CPED1: variants seen among roughly 807,000 people sequenced by gnomAD.
CPED1 encodes the protein cadherin-like and PC-esterase domain-containing protein 1.
Under a neutral mutation model 128.2 loss-of-function variants are expected in CPED1, and 114 were observed. The observed-to-expected ratio is 0.89, with a 90% CI of 0.76 to 1.04. CPED1 has a LOEUF of 1.04. CPED1 is among the 50% of genes least tolerant of loss of function. The probability of loss-of-function intolerance (pLI) is 0.00; values close to 1 mark genes in which losing one functional copy is unlikely to be tolerated. For missense variants in CPED1, 1,211 were observed against 1,207.1 expected (o/e 1.00, Z -0.05); for synonymous variants, 462 against 426.7 (o/e 1.08, Z -1.02).
chr7:121,085,778 T>G (rs566436204), intron 5 of CPED1, among the ~76,000 whole-genome samples: 3 of 152,214 alleles, frequency 2.0e-5, no homozygotes, highest in Non-Finnish European at 4.4e-5. Context: ...TCATCTCTCA[T>G]TGACGATAGG....
chr7:121,144,983 T>C (rs1337270020), intron 16 of CPED1, among the ~76,000 whole-genome samples: 1 of 151,942 alleles, frequency 6.6e-6, no homozygotes, highest in Non-Finnish European at 1.5e-5. Context: ...CATGAGGGAA[T>C]TTTTTGGGCA....
chr7:121,082,492 A>G (rs929687297), intron 5 of CPED1, among the ~76,000 whole-genome samples: 1 of 152,180 alleles, frequency 6.6e-6, no homozygotes, highest in African/African-American at 2.4e-5. Flanking sequence ...TGTTTTCTAG[A>G]TAATTATGGT....
At chr7:121,252,352 A>G (rs1798693190) in intron 18 of CPED1, among the ~76,000 whole-genome samples, 5 of 152,220 alleles carry the variant, frequency 3.3e-5, no homozygotes, top group Admixed American at 6.5e-5. Flanking sequence ...ACCTAAAACC[A>G]CAGAAGAAAC....
At chr7:121,211,115 T>C (rs1388859915) in intron 16 of CPED1, among the ~76,000 whole-genome samples, 1 of 152,104 alleles carries the variant, frequency 6.6e-6, no homozygotes, top group African/African-American at 2.4e-5. Flanking sequence ...GTCATTCTTA[T>C]TTCCATAAAC....
chr7:121,170,731 A>T (rs1269709754), intron 16 of CPED1, among the ~76,000 whole-genome samples: 2 of 152,212 alleles, frequency 1.3e-5, no homozygotes, highest in African/African-American at 2.4e-5. Flanking sequence ...AAGTTTAATA[A>T]GAAATGAGTT....
intron 18 of CPED1, among the ~76,000 whole-genome samples, chr7:121,250,389 C>T (rs1306249441): frequency 6.6e-6 from 1 of 151,532 alleles, no homozygotes; most frequent in Non-Finnish European, 1.5e-5. Context: ...AAAATTGACA[C>T]CCTAACATCA....
intron 2 of CPED1, among the ~76,000 whole-genome samples, chr7:120,991,085 T>C (rs1274438293): frequency 6.6e-6 from 1 of 152,182 alleles, no homozygotes; most frequent in Non-Finnish European, 1.5e-5. Flanking sequence ...CAAATAAAAG[T>C]CAATTCAAAG....
At chr7:121,095,481 G>T (rs1175342825) in intron 5 of CPED1, among the ~76,000 whole-genome samples, 2 of 151,026 alleles carry the variant, frequency 1.3e-5, no homozygotes, top group Admixed American at 6.6e-5. Context: ...TAATTACAGA[G>T]GTTTTTTTTT....
chr7:121,008,748 C>A lies in CPED1; in HGVS notation c.250-6917C>A, dbSNP rs572623523. Among the ~76,000 whole-genome samples the A allele has an allele frequency of 3.3e-5, 5 of 152,264 alleles. No individual in the cohort carries two copies. In the East Asian group the frequency reaches 9.6e-4, roughly 29 times the overall value. ...GTGATTTCATTAATGGTTTATTGCTCTTCTTGCAAAACACTAGCCCTCCTA... is the reference window on the plus strand; with the variant it reads ...GTGATTTCATTAATGGTTTATTGCTATTCTTGCAAAACACTAGCCCTCCTA... On this transcript the variant is annotated intron_variant, in intron 2 of 22. Transcript: ENST00000310396.
chr7:121,237,550 C>T (rs1798286931), intron 17 of CPED1, among the ~76,000 whole-genome samples: 1 of 152,124 alleles, frequency 6.6e-6, no homozygotes, highest in Non-Finnish European at 1.5e-5. Flanking sequence ...TTCCCTATTT[C>T]TCTCCTTCCC....
At chr7:121,249,595 A>G (rs1343174758) in intron 18 of CPED1, among the ~76,000 whole-genome samples, 1 of 152,198 alleles carries the variant, frequency 6.6e-6, no homozygotes, top group Non-Finnish European at 1.5e-5. Flanking sequence ...TAAGTGAAGG[A>G]GAAATAAAAT....
intron 18 of CPED1, among the ~76,000 whole-genome samples, chr7:121,252,844 A>T (rs58546189): frequency 0.021 from 3,258 of 152,238 alleles, 106 homozygotes; most frequent in African/African-American, 0.072. Context: ...AGAAATAGGA[A>T]CACTTTTACA....
At position 121,172,466 on chromosome 7, in the gene CPED1, A is replaced by T. The variant is rs111528905; in HGVS notation, c.2055+30325A>T. Among the ~76,000 whole-genome samples the T allele has an allele frequency of 6.6e-3, 1,006 of 152,126 alleles. 12 individuals are homozygous for T. The highest frequency in any genetic ancestry group is 0.022 in the African/African-American group (901 of 41,510). ...GTTAATAAACTTCACATGACACTTAAAGATTATAGATTGCTGCTTTCTTCT... is the reference window on the plus strand; with the variant it reads ...GTTAATAAACTTCACATGACACTTATAGATTATAGATTGCTGCTTTCTTCT... On this transcript the variant is annotated intron_variant, in intron 16 of 22. Transcript: ENST00000310396.
Position 121,099,907 on chromosome 7 carries a change from T to A in CPED1, c.750-19T>A, listed in dbSNP as rs1361928562. ...ACCCTACATTATGGAGCGCTAACTA[T>A]GTTTTTTTTTTTTTTTAGGAATGAA... On this transcript the variant is annotated intron_variant, in intron 6 of 22. Coordinates refer to ENST00000310396, the MANE Select transcript of CPED1 (RefSeq NM_024913.5). 6.8e-7 allele frequency: 1 copy of A among 1,479,496 alleles called. No homozygotes were observed. Among genetic ancestry groups the A allele is most frequent in the Non-Finnish European group, 9.0e-7 (1 of 1,116,488 alleles). 91.6% of individuals were successfully genotyped at this position (1,479,496 alleles called of 1,614,324 possible). A position where few individuals can be genotyped will look rare whatever the true frequency, so the allele number is the denominator to read the frequency against.
At chr7:121,010,735 C>T (rs1309504545) in intron 2 of CPED1, among the ~76,000 whole-genome samples, 1 of 152,064 alleles carries the variant, frequency 6.6e-6, no homozygotes, top group Non-Finnish European at 1.5e-5. Flanking sequence ...TGTAGCCCTC[C>T]CATCATCAGC....
intron 7 of CPED1, among the ~76,000 whole-genome samples, chr7:121,122,717 T>A (rs181653879): frequency 3.7e-4 from 57 of 152,274 alleles, no homozygotes; most frequent in Non-Finnish European, 6.8e-4. Context: ...AGGCTACAGT[T>A]CTCTAAAAGT....
intron 18 of CPED1, among the ~76,000 whole-genome samples, chr7:121,249,019 G>T (rs1279775680): frequency 6.6e-6 from 1 of 152,050 alleles, no homozygotes; most frequent in East Asian, 1.9e-4. Flanking sequence ...TTCACTGTAA[G>T]AATTTCATAA....
At chr7:121,027,934 T>C (rs1237673597) in intron 3 of CPED1, among the ~76,000 whole-genome samples, 2 of 151,962 alleles carry the variant, frequency 1.3e-5, no homozygotes, top group Admixed American at 1.3e-4. Flanking sequence ...AAACAAGCGA[T>C]TAAGGGATGA....
chr7:121,004,972 T>C (rs1331232260), intron 2 of CPED1, among the ~76,000 whole-genome samples: 1 of 152,228 alleles, frequency 6.6e-6, no homozygotes, highest in Non-Finnish European at 1.5e-5. Context: ...ATGATATGTT[T>C]GCTCTAGCAC....
Sources: allele counts gnomAD v4.1 joint callset (sites outside exome capture counted in the v4.1 genomes callset), GRCh38; gene constraint gnomAD v4.1.1; transcripts MANE v1.5; gene names NCBI Gene and HGNC (gene_info 2026-07-23, HGNC 2026-07-21).